The following TIMD4 variants were observed in gnomAD, a reference collection of about 807,000 sequenced individuals.
The protein encoded by TIMD4 is T-cell immunoglobulin and mucin domain-containing protein 4.
In TIMD4, 31 loss-of-function variants were observed where a neutral mutation model predicts 41.2. The observed-to-expected ratio is 0.75, with a 90% CI of 0.57 to 1.01. The LOEUF is 1.01. Among genes scored for constraint, TIMD4 ranks in the 50% least tolerant of loss-of-function variants. The probability of loss-of-function intolerance (pLI) is 0.00; values close to 1 mark genes in which losing one functional copy is unlikely to be tolerated. For missense variants in TIMD4, 479 were observed against 472.5 expected, an observed-to-expected ratio of 1.01 and a Z score of -0.13; for synonymous variants, 204 against 177.1, an observed-to-expected ratio of 1.15 and a Z score of -1.21.
rs1038624728 is a variant in TIMD4, at chr5:156,929,088, A to T, written c.845-2776T>A. Among the ~76,000 whole-genome samples the T allele has an allele frequency of 1.1e-3, 169 of 152,144 alleles. 2 individuals are homozygous for T. Among genetic ancestry groups the T allele is most frequent in the Non-Finnish European group, 2.2e-4 (15 of 68,026 alleles). Reference sequence around the variant, plus strand: ...GATGCTAAAAGCCCAAATGGGAAGCACTCCAAGGGCTACAGTGTCATACAC... The same window carrying T: ...GATGCTAAAAGCCCAAATGGGAAGCTCTCCAAGGGCTACAGTGTCATACAC... On this transcript the variant is annotated intron_variant, in intron 5 of 8. Coordinates refer to ENST00000274532, the MANE Select transcript of TIMD4 (RefSeq NM_138379.3).
At chr5:156,957,674 T>C (rs746715562) in intron 1 of TIMD4, among the ~76,000 whole-genome samples, 21 of 151,654 alleles carry the variant, frequency 1.4e-4, no homozygotes, top group Non-Finnish European at 2.4e-4. Context: ...TACTAAAATA[T>C]GAACTTAGCC....
At chr5:156,930,127 A>G (rs13154140) in intron 5 of TIMD4, among the ~76,000 whole-genome samples, 36,911 of 151,728 alleles carry the variant, frequency 0.24, 4,684 homozygotes, top group Admixed American at 0.33. Flanking sequence ...TGCACCACCA[A>G]TTTTTTGTAT....
At chr5:156,934,492 A>G (rs1045019847) in intron 5 of TIMD4, among the ~76,000 whole-genome samples, 2 of 152,016 alleles carry the variant, frequency 1.3e-5, no homozygotes, top group Non-Finnish European at 2.9e-5. Context: ...GAGTTTTGCT[A>G]TGTTGACCAG....
chr5:156,928,478 T>A (rs1213137575), intron 5 of TIMD4, among the ~76,000 whole-genome samples: 3 of 152,040 alleles, frequency 2.0e-5, no homozygotes, highest in Admixed American at 6.6e-5. Flanking sequence ...GAAGAAAACA[T>A]CCAGGAGGGA....
chr5:156,932,880 T>C lies in TIMD4; in HGVS notation c.845-6568A>G, dbSNP rs574888788. Among the ~76,000 whole-genome samples the C allele has an allele frequency of 2.0e-5, 3 of 152,160 alleles. No homozygotes were observed. In the East Asian group the frequency reaches 5.8e-4, roughly 29 times the overall value. On this transcript the variant is annotated intron_variant, in intron 5 of 8. Coordinates refer to ENST00000274532, the MANE Select transcript of TIMD4 (RefSeq NM_138379.3). The stretch of plus-strand genomic sequence containing the variant: ...TTAGCCAGGCGTGGTGGTGGGTGCC[T>C]GTAATCCCAGCTACTCCGGAGGTTG...
At chr5:156,949,242 C>G (rs1199774433) in intron 4 of TIMD4, among the ~76,000 whole-genome samples, 1 of 152,160 alleles carries the variant, frequency 6.6e-6, no homozygotes. Flanking sequence ...AAACCCAATG[C>G]ATTGAATTAG....
At chr5:156,948,565 C>T in intron 4 of TIMD4, 66 bp from the exon 5 acceptor site, 1 of 1,093,828 alleles carries the variant, frequency 9.1e-7, no homozygotes, top group Non-Finnish European at 1.3e-6. Flanking sequence ...GCTTTTGGTA[C>T]TCAACTGTCC....
Position 156,951,729 on chromosome 5 carries a change from G to A in TIMD4, c.462C>T (p.Pro154=), listed in dbSNP as rs146996115. The A allele has an allele frequency of 2.3e-3, 3,661 of 1,614,110 alleles. 7 individuals are homozygous for A. The highest frequency in any genetic ancestry group is 0.016 in the Middle Eastern group (97 of 6,062). Residue 154 remains proline, a synonymous_variant, in exon 3 of 9, where the codon CCC becomes CCT. Coordinates refer to ENST00000274532, the MANE Select transcript of TIMD4 (RefSeq NM_138379.3). ...TTTRRTTTTS[P]TTTRQMTTTP... is the part of the protein sequence containing the mutation. ...TTGTTGTCATTTGTCGGGTGGTGGTGGGGCTTGTTGTTGTTGTTCTGCGTG... is the reference window on the plus strand; with the variant it reads ...TTGTTGTCATTTGTCGGGTGGTGGTAGGGCTTGTTGTTGTTGTTCTGCGTG...
chr5:156,925,307 C>CA (rs985483328), intron 6 of TIMD4, among the ~76,000 whole-genome samples: 4 of 151,918 alleles, frequency 2.6e-5, no homozygotes, highest in Non-Finnish European at 4.4e-5. Flanking sequence ...GACTTTGTCT[C>CA]AAAAAAAATT....
Position 156,948,441 on chromosome 5 carries a change from A to C in TIMD4, c.819T>G (p.Asp273Glu), listed in dbSNP as rs759460263. The C allele has an allele frequency of 5.8e-6, 9 of 1,548,378 alleles. No individual in the cohort carries two copies. The highest frequency in any genetic ancestry group is 7.9e-6 in the Non-Finnish European group (9 of 1,146,440). Residue 273 changes from aspartate to glutamate, a missense_variant, in exon 5 of 9, where the codon GAT (aspartate) becomes GAG (glutamate). Asp to Glu is a conservative substitution (Grantham distance 45). Coordinates refer to ENST00000274532, the MANE Select transcript of TIMD4 (RefSeq NM_138379.3). Reference sequence around the variant, plus strand: ...CTCCAGGCTGAGGAGAAGACACAGAATCACTCGTTTTCCACATTGACACGT... The same window carrying C: ...CTCCAGGCTGAGGAGAAGACACAGACTCACTCGTTTTCCACATTGACACGT... Reference protein sequence around the residue: ...TSHVSMWKTSDSVSSPQPGAS... With the variant: ...TSHVSMWKTSESVSSPQPGAS...
In TIMD4 at chr5:156,945,225, C is replaced by T. The variant is rs546212598; in HGVS notation, c.844+3191G>A. On this transcript the variant is annotated intron_variant, in intron 5 of 8. Transcript: ENST00000274532. ...TTAGAGTGATCTGGAGTTGAAAAGACGTGGTTAAATCCAGGTCGGCCATTT... is the reference window on the plus strand; with the variant it reads ...TTAGAGTGATCTGGAGTTGAAAAGATGTGGTTAAATCCAGGTCGGCCATTT... Among the ~76,000 whole-genome samples, 9 of 152,266 alleles carry T rather than the reference C, an allele frequency of 5.9e-5. No individual in the cohort carries two copies. In the East Asian group the frequency reaches 9.6e-4, roughly 16 times the overall value.
Position 156,954,641 on chromosome 5 carries a change from C to A in TIMD4, c.174G>T (p.Gln58His). 6.2e-7 allele frequency: 1 copy of A among 1,614,236 alleles called. No homozygotes were observed. Among genetic ancestry groups the A allele is most frequent in the Non-Finnish European group, 8.5e-7 (1 of 1,180,048 alleles). The change falls in exon 2 of 9, where the codon CAG becomes CAT. Residue 58 changes from glutamine to histidine, a missense_variant. Transcript: ENST00000274532. ...CCTCCTTGCAACCGGAGTAGGGGCA[C>A]TGGTCTTTCCCCCAGCACATGCTGT... ...NSNSMCWGKD[Q>H]CPYSGCKEAL...
chr5:156,945,005 C>G (rs1391886604), intron 5 of TIMD4, among the ~76,000 whole-genome samples: 1 of 152,194 alleles, frequency 6.6e-6, no homozygotes, highest in East Asian at 1.9e-4. Flanking sequence ...CCCACAACCA[C>G]AGAAGCTTTG....
intron 1 of TIMD4, among the ~76,000 whole-genome samples, chr5:156,956,980 A>T (rs1287353326): frequency 6.6e-6 from 1 of 151,572 alleles, no homozygotes; most frequent in Non-Finnish European, 1.5e-5. Flanking sequence ...GAGCCCTAAG[A>T]GTCACCCATA....
rs1012428809 is a variant in TIMD4, at chr5:156,940,102, G to A, written c.844+8314C>T. On this transcript the variant is annotated intron_variant, in intron 5 of 8. Transcript: ENST00000274532. ...CTGCTGAGTGCCTGGGATTGCAGGC[G>A]CGTGCCGCCAGGCCTGACTGGTTTT... Among the ~76,000 whole-genome samples the A allele has an allele frequency of 7.2e-5, 11 of 152,364 alleles. No homozygotes were observed. The South Asian group carries it at 1.7e-3, about 23-fold the overall frequency.
At chr5:156,958,313 GGAAAGGA>G in intron 1 of TIMD4, among the ~76,000 whole-genome samples, 1 of 8,382 alleles carries the variant, frequency 1.2e-4, no homozygotes, top group Non-Finnish European at 1.9e-4. Context: ...AAGAAGGAAA[GGAAAGGA>G]AAGGAAAGGA....
chr5:156,960,397 T>A (rs973390601), intron 1 of TIMD4, among the ~76,000 whole-genome samples: 8 of 150,896 alleles, frequency 5.3e-5, no homozygotes, highest in African/African-American at 1.7e-4. Context: ...ATTGTTTTTT[T>A]CTTCCCCCTT....
chr5:156,920,891 T>C (rs1759224264), intron 7 of TIMD4, among the ~76,000 whole-genome samples: 1 of 152,202 alleles, frequency 6.6e-6, no homozygotes, highest in South Asian at 2.1e-4. Context: ...AATTTTAAAT[T>C]TGCTTTTGCA....
chr5:156,928,220 C>G (rs531933939), intron 5 of TIMD4, among the ~76,000 whole-genome samples: 2 of 152,196 alleles, frequency 1.3e-5, no homozygotes, highest in East Asian at 3.9e-4. Context: ...ATCGCTTGAA[C>G]CCAGGATGGG....
Sources: gnomAD v4.1 joint callset for allele counts (sites outside exome capture counted in the v4.1 genomes callset) on GRCh38, gnomAD v4.1.1 for gene constraint, MANE v1.5 for transcripts, NCBI Gene and HGNC (gene_info 2026-07-23, HGNC 2026-07-21) for gene names.